The following MAGI2 variants were observed in gnomAD, a reference collection of about 807,000 sequenced individuals.
The protein encoded by MAGI2 is membrane associated guanylate kinase, WW and PDZ domain containing 2.
A neutral mutation model predicts 133.3 loss-of-function variants in MAGI2; 35 were observed. That is an observed-to-expected ratio of 0.26 (90% CI 0.20 to 0.35). The LOEUF (loss-of-function observed/expected upper bound fraction) is 0.35, where lower values mean the gene tolerates loss of function less well. MAGI2 is among the 10% of genes least tolerant of loss of function. The pLI is 1.00. For synonymous variants in MAGI2, 729 were observed against 710.6 expected, an observed-to-expected ratio of 1.03 and a Z score of -0.41; for missense variants, 1,636 against 1,863.4, an observed-to-expected ratio of 0.88 and a Z score of 2.25.
chr7:79,194,287 T>C (rs1165803856), intron 1 of MAGI2, among the ~76,000 whole-genome samples: 1 of 152,012 alleles, frequency 6.6e-6, no homozygotes, highest in Non-Finnish European at 1.5e-5. Context: ...CTTTTTGTTG[T>C]TGTTTCCTTT....
At chr7:78,161,503 A>G (rs1824972743) in intron 15 of MAGI2, among the ~76,000 whole-genome samples, 1 of 152,042 alleles carries the variant, frequency 6.6e-6, no homozygotes. Flanking sequence ...TAGGTATAGC[A>G]TCCTATGTAG....
At chr7:79,012,559 G>A (rs1206823313) in intron 1 of MAGI2, among the ~76,000 whole-genome samples, 1 of 152,012 alleles carries the variant, frequency 6.6e-6, no homozygotes, top group Non-Finnish European at 1.5e-5. Context: ...CACGTCTAAA[G>A]CAATGTGTTT....
At chr7:79,290,774 T>C (rs1043556488) in intron 1 of MAGI2, among the ~76,000 whole-genome samples, 1 of 152,090 alleles carries the variant, frequency 6.6e-6, no homozygotes, top group African/African-American at 2.4e-5. Flanking sequence ...TCATCATGAA[T>C]AACTACCAAA....
chr7:78,480,860 C>T (rs1792293783), intron 6 of MAGI2, among the ~76,000 whole-genome samples: 1 of 151,794 alleles, frequency 6.6e-6, no homozygotes, highest in South Asian at 2.1e-4. Flanking sequence ...ATACACTAAA[C>T]AAAACGTGCC....
At chr7:78,841,127 G>A (rs1228571566) in intron 2 of MAGI2, among the ~76,000 whole-genome samples, 1 of 151,066 alleles carries the variant, frequency 6.6e-6, no homozygotes, top group South Asian at 2.1e-4. Flanking sequence ...TGTCTCATAA[G>A]TAACCTTTGA....
chr7:78,893,976 T>G (rs992010457), intron 2 of MAGI2, among the ~76,000 whole-genome samples: 10 of 152,182 alleles, frequency 6.6e-5, no homozygotes, highest in Non-Finnish European at 1.5e-4. Flanking sequence ...GTTTAAGTGA[T>G]TTTACAAAGT....
chr7:78,100,137 G>C (rs3807738), intron 20 of MAGI2, among the ~76,000 whole-genome samples: 54,013 of 152,020 alleles, frequency 0.36, 11,133 homozygotes, highest in African/African-American at 0.58. Flanking sequence ...CCTCTAGGGC[G>C]TAACTATGAG....
At chr7:78,077,931 G>C (rs1354932170) in intron 21 of MAGI2, 1 of 151,978 alleles carries the variant, frequency 6.6e-6, no homozygotes, top group African/African-American at 2.4e-5. Context: ...GTTTCTCCAT[G>C]TTGGTCAGGC....
intron 1 of MAGI2, among the ~76,000 whole-genome samples, chr7:79,102,629 C>T (rs1219630542): frequency 6.6e-6 from 1 of 152,192 alleles, no homozygotes; most frequent in Non-Finnish European, 1.5e-5. Flanking sequence ...GTATCTTCCT[C>T]ACCCACCCAA....
At chr7:78,379,270 T>A (rs983412010) in intron 6 of MAGI2, among the ~76,000 whole-genome samples, 2 of 152,046 alleles carry the variant, frequency 1.3e-5, no homozygotes, top group African/African-American at 4.8e-5. Flanking sequence ...TTATTAAGAT[T>A]TTCTATCTGG....
At chr7:79,076,995 A>G (rs555370653) in intron 1 of MAGI2, among the ~76,000 whole-genome samples, 2 of 152,324 alleles carry the variant, frequency 1.3e-5, no homozygotes, top group African/African-American at 4.8e-5. Flanking sequence ...TACTTTTCCT[A>G]AAATGCCAGG....
At chr7:78,037,429 C>T (rs1260884353) in intron 21 of MAGI2, among the ~76,000 whole-genome samples, 1 of 152,208 alleles carries the variant, frequency 6.6e-6, no homozygotes, top group Non-Finnish European at 1.5e-5. Flanking sequence ...TCTGAGCCCT[C>T]ATCGGTGTTG....
intron 2 of MAGI2, among the ~76,000 whole-genome samples, chr7:78,904,557 T>C (rs543828516): frequency 7.7e-4 from 114 of 148,442 alleles, no homozygotes; most frequent in African/African-American, 2.7e-3. Context: ...AGAGCCTTGC[T>C]CTGTCACTCA....
intron 3 of MAGI2, among the ~76,000 whole-genome samples, chr7:78,524,290 A>G (rs1796766295): frequency 6.6e-6 from 1 of 152,200 alleles, no homozygotes; most frequent in African/African-American, 2.4e-5. Context: ...GCTGGCAGGT[A>G]GAAATGACAA....
At chr7:78,406,247 A>G (rs1797361525) in intron 6 of MAGI2, among the ~76,000 whole-genome samples, 1 of 151,988 alleles carries the variant, frequency 6.6e-6, no homozygotes, top group Admixed American at 6.6e-5. Context: ...CGTCTTTTCC[A>G]TGCCTCCAAC....
At chr7:78,777,402 G>A (rs1826067158) in intron 2 of MAGI2, among the ~76,000 whole-genome samples, 1 of 152,062 alleles carries the variant, frequency 6.6e-6, no homozygotes, top group South Asian at 2.1e-4. Context: ...ATGCATGTAA[G>A]GAGCTTAGCA....
At chr7:78,380,112 A>G (rs1297226241) in intron 6 of MAGI2, among the ~76,000 whole-genome samples, 2 of 151,268 alleles carry the variant, frequency 1.3e-5, no homozygotes, top group East Asian at 3.9e-4. Context: ...AAAAAGCTAT[A>G]AAAAGAACAA....
chr7:78,486,718 C>T (rs1000890725), intron 6 of MAGI2: 11 of 401,524 alleles, frequency 2.7e-5, no homozygotes, highest in African/African-American at 6.2e-5. Context: ...GGTAGGGACT[C>T]GGTGGTTTGG....
chr7:78,428,464 T>C (rs941918906), intron 6 of MAGI2, among the ~76,000 whole-genome samples: 5 of 152,174 alleles, frequency 3.3e-5, no homozygotes, highest in Non-Finnish European at 7.4e-5. Flanking sequence ...TTTAGTGTCT[T>C]GGAGCTAGAA....
Sources: gnomAD v4.1 joint callset for allele counts (sites outside exome capture counted in the v4.1 genomes callset) on GRCh38, gnomAD v4.1.1 for gene constraint, MANE v1.5 for transcripts, NCBI Gene and HGNC (gene_info 2026-07-23, HGNC 2026-07-21) for gene names.